The following AKT3 variants were observed in gnomAD, a reference collection of about 807,000 sequenced individuals.
The protein encoded by AKT3 is AKT serine/threonine kinase 3.
In AKT3, 15 loss-of-function variants were observed where a neutral mutation model predicts 65.3. The observed-to-expected ratio is 0.23, with a 90% CI of 0.15 to 0.35. The LOEUF (loss-of-function observed/expected upper bound fraction) is 0.35. Among genes scored for constraint, AKT3 ranks in the 10% least tolerant of loss-of-function variants. AKT3 has a pLI of 1.00. For missense variants in AKT3, 243 were observed against 576.5 expected (o/e 0.42, Z 5.92); for synonymous variants, 206 against 183.8 (o/e 1.12, Z -0.98).
Position 243,812,791 on chromosome 1 carries a change from T to C in AKT3, c.46+30334A>G, listed in dbSNP as rs541259419. ...AACCCAAATGTCCAACAATGATAGA[T>C]TGGATTAAGAAAATGTGGCATATAT... is the stretch of plus-strand genomic sequence containing the variant. On this transcript the variant is annotated intron_variant, in intron 2 of 13. Coordinates refer to ENST00000673466, the MANE Select transcript of AKT3 (RefSeq NM_005465.7). Among the ~76,000 whole-genome samples the C allele has an allele frequency of 1.7e-3, 252 of 151,946 alleles. 2 individuals carry two copies. The highest frequency in any genetic ancestry group is 4.4e-3 in the African/African-American group (184 of 41,428).
chr1:243,627,666 C>T (rs113771899), intron 6 of AKT3, among the ~76,000 whole-genome samples: 6 of 152,300 alleles, frequency 3.9e-5, no homozygotes, highest in African/African-American at 1.4e-4. Context: ...CCAGCAAATA[C>T]CCCAGGGTCT....
At chr1:243,538,288 A>G (rs769491749) in intron 12 of AKT3, among the ~76,000 whole-genome samples, 1 of 152,174 alleles carries the variant, frequency 6.6e-6, no homozygotes, top group Non-Finnish European at 1.5e-5. Context: ...AACAACCTCC[A>G]AACAATAAAA....
chr1:243,508,058 C>G (rs1406683762), intron 13 of AKT3, among the ~76,000 whole-genome samples: 3 of 152,194 alleles, frequency 2.0e-5, no homozygotes, highest in Non-Finnish European at 4.4e-5. Context: ...TGGTACTACC[C>G]TGGACTTTTA....
intron 3 of AKT3, among the ~76,000 whole-genome samples, chr1:243,666,187 A>G (rs1682761668): frequency 6.6e-6 from 1 of 152,074 alleles, no homozygotes; most frequent in Non-Finnish European, 1.5e-5. Context: ...TAATTTTAGT[A>G]GAGATGGGGT....
chr1:243,496,546 CA>C (rs1462248876), downstream of AKT3, among the ~76,000 whole-genome samples: 1 of 152,010 alleles, frequency 6.6e-6, no homozygotes, highest in Non-Finnish European at 1.5e-5. Context: ...GAGCGGACAG[CA>C]GGGGGGGAAG....
intron 2 of AKT3, among the ~76,000 whole-genome samples, chr1:243,702,229 A>C (rs1216839510): frequency 1.3e-5 from 2 of 152,168 alleles, no homozygotes; most frequent in African/African-American, 4.8e-5. Flanking sequence ...AGGTACAACA[A>C]ATTGTTGTGA....
At chr1:243,840,694 A>C (rs979947795) in intron 2 of AKT3, among the ~76,000 whole-genome samples, 1 of 147,510 alleles carries the variant, frequency 6.8e-6, no homozygotes, top group Non-Finnish European at 1.5e-5. Context: ...AATTCAAGGG[A>C]AAGATGAGGA....
At chr1:243,796,839 T>C (rs1363572511) in intron 2 of AKT3, among the ~76,000 whole-genome samples, 1 of 152,156 alleles carries the variant, frequency 6.6e-6, no homozygotes, top group African/African-American at 2.4e-5. Context: ...ACAGCATGGA[T>C]GAACCTGGAA....
intron 2 of AKT3, among the ~76,000 whole-genome samples, chr1:243,761,025 G>C (rs1003586069): frequency 2.0e-5 from 3 of 152,178 alleles, no homozygotes; most frequent in Admixed American, 6.5e-5. Context: ...ATTTCACCTA[G>C]AGCAATGGGT....
At chr1:243,742,747 G>A (rs1178563626) in intron 2 of AKT3, among the ~76,000 whole-genome samples, 3 of 151,736 alleles carry the variant, frequency 2.0e-5, no homozygotes, top group South Asian at 2.1e-4. Context: ...ATCATAAACC[G>A]ATTTCTCCTC....
At chr1:243,713,477 C>T (rs772941958) in intron 2 of AKT3, among the ~76,000 whole-genome samples, 11 of 152,102 alleles carry the variant, frequency 7.2e-5, no homozygotes, top group Non-Finnish European at 1.3e-4. Flanking sequence ...TCAGCAGCAT[C>T]ATAAACCGTC....
intron 2 of AKT3, among the ~76,000 whole-genome samples, chr1:243,762,932 T>C (rs1478677317): frequency 6.6e-6 from 1 of 152,104 alleles, no homozygotes; most frequent in African/African-American, 2.4e-5. Flanking sequence ...AAAATTGATA[T>C]TTCTAAGTAT....
chr1:243,686,560 A>T (rs2147994369), intron 3 of AKT3, among the ~76,000 whole-genome samples: 1 of 143,448 alleles, frequency 7.0e-6, no homozygotes, highest in East Asian at 2.0e-4. Context: ...AATTCAGCAA[A>T]CATTACTAAG....
chr1:243,548,791 A>G (rs1263013420), intron 11 of AKT3, among the ~76,000 whole-genome samples: 2 of 152,216 alleles, frequency 1.3e-5, no homozygotes, highest in Non-Finnish European at 2.9e-5. Context: ...AGGAGGGGCT[A>G]ACAGAATGAA....
intron 1 of AKT3, among the ~76,000 whole-genome samples, chr1:243,846,260 T>C (rs1307174556): frequency 1.3e-5 from 2 of 152,158 alleles, no homozygotes; most frequent in East Asian, 1.9e-4. Flanking sequence ...AGCTTTCTAA[T>C]ATAGATTCCA....
At chr1:243,657,916 G>A (rs535876773) in intron 4 of AKT3, among the ~76,000 whole-genome samples, 2 of 151,986 alleles carry the variant, frequency 1.3e-5, no homozygotes, top group South Asian at 4.2e-4. Flanking sequence ...GAGAAAACTG[G>A]GTATCAACAT....
chr1:243,495,922 G>A (rs1180666826), downstream of AKT3, among the ~76,000 whole-genome samples: 3 of 152,124 alleles, frequency 2.0e-5, no homozygotes, highest in African/African-American at 7.2e-5. Context: ...GGACTTTGAG[G>A]TCAAACTGCC....
intron 4 of AKT3, among the ~76,000 whole-genome samples, chr1:243,648,146 T>C (rs1026259640): frequency 2.0e-5 from 3 of 151,532 alleles, no homozygotes; most frequent in Non-Finnish European, 2.9e-5. Context: ...TAATCCCAGC[T>C]ACTCGGGAGA....
chr1:243,762,033 A>G (rs948012698), intron 2 of AKT3, among the ~76,000 whole-genome samples: 3 of 152,088 alleles, frequency 2.0e-5, no homozygotes, highest in African/African-American at 7.2e-5. Context: ...GCAACTGTAA[A>G]TGAATAAAAA....
Sources: gnomAD v4.1 joint callset for allele counts (sites outside exome capture counted in the v4.1 genomes callset) on GRCh38, gnomAD v4.1.1 for gene constraint, MANE v1.5 for transcripts, NCBI Gene and HGNC (gene_info 2026-07-23, HGNC 2026-07-21) for gene names.